The following PHACTR1 variants were observed in gnomAD, a reference collection of about 807,000 sequenced individuals.
PHACTR1 encodes phosphatase and actin regulator 1.
Under a neutral mutation model 69.2 loss-of-function variants are expected in PHACTR1, and 16 were observed. The observed-to-expected ratio is 0.23, with a 90% CI of 0.16 to 0.35. The LOEUF (loss-of-function observed/expected upper bound fraction) is 0.35, where lower values mean the gene tolerates loss of function less well. PHACTR1 is among the 10% of genes least tolerant of loss of function. The pLI is 1.00. For missense variants in PHACTR1, 510 were observed against 734.7 expected, an observed-to-expected ratio of 0.69 and a Z score of 3.54; for synonymous variants, 312 against 284.5, an observed-to-expected ratio of 1.10 and a Z score of -0.97.
At chr6:12,917,525 G>A (rs570220287) in intron 4 of PHACTR1, among the ~76,000 whole-genome samples, 1 of 152,166 alleles carries the variant, frequency 6.6e-6, no homozygotes, top group African/African-American at 2.4e-5. Flanking sequence ...GTCTGAGGTG[G>A]GAGGATTACT....
chr6:13,193,357 G>GTATA (rs56305254), intron 7 of PHACTR1, among the ~76,000 whole-genome samples: 2,302 of 68,078 alleles, frequency 0.034, 184 homozygotes, highest in African/African-American at 0.085. Context: ...AGCTCTCTGT[G>GTATA]TATATATATA....
chr6:12,894,881 T>C (rs930583948), intron 4 of PHACTR1, among the ~76,000 whole-genome samples: 1 of 152,250 alleles, frequency 6.6e-6, no homozygotes, highest in Non-Finnish European at 1.5e-5. Flanking sequence ...TATTTTAATG[T>C]AGATCCTTCC....
In PHACTR1 at chr6:13,283,594, G is replaced by T. The variant is rs768023709; in HGVS notation, c.1650+32G>T. 2.4e-5 allele frequency: 38 copies of T among 1,613,386 alleles called. No individual in the cohort carries two copies. Among genetic ancestry groups the T allele is most frequent in the Admixed American group, 8.3e-5 (5 of 60,002 alleles). On this transcript the variant is annotated intron_variant, in intron 13 of 14. Coordinates refer to ENST00000332995, the MANE Select transcript of PHACTR1 (RefSeq NM_030948.6). The surrounding 1 kb of genome is among the most constrained non-coding windows in gnomAD (Gnocchi z 4.7). ...AGAGGGGAGTGCTGGAGAGTGGGAG[G>T]CAGGACCGTCTGCTGGGTCTCGCTG...
At chr6:12,831,268 A>G (rs1255079510) in intron 4 of PHACTR1, among the ~76,000 whole-genome samples, 1 of 152,188 alleles carries the variant, frequency 6.6e-6, no homozygotes, top group Admixed American at 6.5e-5. Context: ...CTATGTGAAC[A>G]CTGGGGTCTA....
chr6:13,231,270 GAGAA>G (rs796843344), intron 10 of PHACTR1, among the ~76,000 whole-genome samples: 3 of 87,254 alleles, frequency 3.4e-5, no homozygotes, highest in African/African-American at 1.5e-4. Flanking sequence ...AAGAAGGAAA[GAGAA>G]AGAAGGAAAG....
intron 4 of PHACTR1, among the ~76,000 whole-genome samples, chr6:12,982,302 G>T (rs1795616239): frequency 1.3e-5 from 2 of 152,162 alleles, no homozygotes; most frequent in South Asian, 4.1e-4. Context: ...ACTTTCTCCG[G>T]CTACTGCTTA....
intron 4 of PHACTR1, among the ~76,000 whole-genome samples, chr6:12,754,128 A>ATTTTTTTTTTT (rs34841058): frequency 9.8e-5 from 11 of 112,384 alleles, no homozygotes; most frequent in Non-Finnish European, 1.1e-4. Context: ...ACGCCTGGCT[A>ATTTTTTTTTTT]TTTTTTTTTT....
At chr6:13,281,088 G>GA in intron 12 of PHACTR1, 2 of 1,289,590 alleles carry the variant, frequency 1.6e-6, no homozygotes, top group South Asian at 2.5e-5. Flanking sequence ...AAGGCCCCGC[G>GA]ATGTTCAGGC....
intron 4 of PHACTR1, among the ~76,000 whole-genome samples, chr6:12,964,152 T>C (rs368440760): frequency 6.6e-6 from 1 of 152,354 alleles, no homozygotes; most frequent in East Asian, 1.9e-4. Flanking sequence ...TGTTATTGTA[T>C]TTAATCAGTA....
chr6:13,151,650 G>A (rs774318114), intron 5 of PHACTR1, among the ~76,000 whole-genome samples: 21 of 152,224 alleles, frequency 1.4e-4, no homozygotes, highest in Non-Finnish European at 2.6e-4. Context: ...AATGAGGTGG[G>A]AAGAGCTATG....
At chr6:12,765,271 A>G (rs1395539563) in intron 4 of PHACTR1, among the ~76,000 whole-genome samples, 2 of 152,218 alleles carry the variant, frequency 1.3e-5, no homozygotes, top group Non-Finnish European at 2.9e-5. Context: ...GAAGCTTGCT[A>G]TGTACGCAAT....
intron 4 of PHACTR1, among the ~76,000 whole-genome samples, chr6:12,882,312 T>A (rs1188664637): frequency 6.6e-6 from 1 of 151,978 alleles, no homozygotes; most frequent in Non-Finnish European, 1.5e-5. Flanking sequence ...ATAGGGACGA[T>A]GATAATAAGA....
At chr6:13,244,914 G>A (rs1487074997) in intron 10 of PHACTR1, among the ~76,000 whole-genome samples, 1 of 151,332 alleles carries the variant, frequency 6.6e-6, no homozygotes, top group Non-Finnish European at 1.5e-5. Context: ...AGTGATAAGT[G>A]TCCATGAAAT....
At chr6:12,808,832 C>T (rs1419301501) in intron 4 of PHACTR1, among the ~76,000 whole-genome samples, 1 of 151,306 alleles carries the variant, frequency 6.6e-6, no homozygotes, top group Non-Finnish European at 1.5e-5. Flanking sequence ...CCTTCCCCCT[C>T]CCCCTCCTCC....
intron 4 of PHACTR1, among the ~76,000 whole-genome samples, chr6:12,971,542 A>G (rs1441359951): frequency 6.6e-6 from 1 of 152,242 alleles, no homozygotes; most frequent in Non-Finnish European, 1.5e-5. Context: ...GAGTCCATGT[A>G]TACGAAATGT....
At chr6:12,878,000 C>T (rs1429380539) in intron 4 of PHACTR1, among the ~76,000 whole-genome samples, 1 of 152,212 alleles carries the variant, frequency 6.6e-6, no homozygotes, top group Non-Finnish European at 1.5e-5. Context: ...CTCAGAAAGG[C>T]TCCAATATGT....
chr6:13,280,974 C>T (rs968172392), intron 12 of PHACTR1: 30 of 1,289,264 alleles, frequency 2.3e-5, no homozygotes, highest in East Asian at 5.5e-5. Flanking sequence ...TGCTGGGGTC[C>T]GTGCACCAAC....
At chr6:13,284,960 G>T (rs1391023203) in intron 13 of PHACTR1, among the ~76,000 whole-genome samples, 1 of 152,182 alleles carries the variant, frequency 6.6e-6, no homozygotes, top group African/African-American at 2.4e-5. Flanking sequence ...AAGGGAATTT[G>T]TGGGAGCAAC....
intron 4 of PHACTR1, among the ~76,000 whole-genome samples, chr6:12,854,332 G>T (rs541290739): frequency 6.6e-6 from 1 of 152,262 alleles, no homozygotes; most frequent in East Asian, 1.9e-4. Context: ...TGTTTCTTTT[G>T]ATTTCATTCC....
Sources: gnomAD v4.1 joint callset for allele counts (sites outside exome capture counted in the v4.1 genomes callset) on GRCh38, gnomAD v4.1.1 for gene constraint, Gnocchi (gnomAD v3.1) non-coding constraint, MANE v1.5 for transcripts, NCBI Gene and HGNC (gene_info 2026-07-23, HGNC 2026-07-21) for gene names.